Variants in PCNX1 observed in about 807,000 individuals in gnomAD.
PCNX1 encodes the protein pecanex 1.
Under a neutral mutation model 242.2 loss-of-function variants are expected in PCNX1, and 78 were observed. That is an observed-to-expected ratio of 0.32 (90% CI 0.27 to 0.39). PCNX1 has a LOEUF of 0.39. PCNX1 is among the 10% of genes least tolerant of loss of function. The pLI, the probability that PCNX1 is intolerant of heterozygous loss-of-function variation, is 1.00. For missense variants in PCNX1, 2,581 were observed against 2,856.5 expected (o/e 0.90, Z 2.20); for synonymous variants, 1,024 against 1,032.9 (o/e 0.99, Z 0.17).
chr14:71,056,722 AGGCTGGAGTGCAGT>A (rs1342719337), intron 25 of PCNX1, among the ~76,000 whole-genome samples: 6 of 151,412 alleles, frequency 4.0e-5, no homozygotes, highest in African/African-American at 1.5e-4. Context: ...TCTGTCACCC[AGGCTGGAGTGCAGT>A]GGCACAGTCA....
intron 24 of PCNX1, among the ~76,000 whole-genome samples, chr14:71,053,867 T>C (rs1356801447): frequency 6.6e-6 from 1 of 152,254 alleles, no homozygotes; most frequent in Non-Finnish European, 1.5e-5. Context: ...TGCAAATCTC[T>C]TAATGTCTGG....
chr14:70,916,717 T>G (rs2056166988), intron 1 of PCNX1, among the ~76,000 whole-genome samples: 1 of 152,192 alleles, frequency 6.6e-6, no homozygotes, highest in African/African-American at 2.4e-5. Context: ...TGCCTAAGTG[T>G]TGTTGACAGA....
chr14:71,065,868 G>A (rs990856458), intron 26 of PCNX1, among the ~76,000 whole-genome samples: 1 of 152,132 alleles, frequency 6.6e-6, no homozygotes, highest in Non-Finnish European at 1.5e-5. Flanking sequence ...TATTAAATAG[G>A]GAGTCCTTTC....
intron 1 of PCNX1, among the ~76,000 whole-genome samples, chr14:70,919,075 G>C (rs2056265735): frequency 6.6e-6 from 1 of 151,704 alleles, no homozygotes; most frequent in Non-Finnish European, 1.5e-5. Flanking sequence ...TTGAGGCGGG[G>C]GTCTTGGTAT....
At chr14:71,057,234 G>A (rs2061207263) in intron 25 of PCNX1, among the ~76,000 whole-genome samples, 1 of 152,038 alleles carries the variant, frequency 6.6e-6, no homozygotes, top group Admixed American at 6.6e-5. Flanking sequence ...CTGTTGAAGA[G>A]GTCAAAAAGT....
rs140634782 is a variant in PCNX1 at position 71,034,078 on chromosome 14, TAGAC to T, written c.3774+45_3774+48del. 9,072 of 1,062,376 alleles carry T rather than the reference TAGAC, an allele frequency of 8.5e-3. 395 individuals are homozygous for T. The East Asian group carries it at 0.11, about 13-fold the overall frequency. 65.8% of individuals were successfully genotyped at this position (1,062,376 alleles called of 1,614,324 possible). On this transcript the variant is annotated intron_variant, in intron 18 of 35. Coordinates refer to ENST00000304743, the MANE Select transcript of PCNX1 (RefSeq NM_014982.3). ...AGAATCACCTAAAAGACTTAAATCT[TAGAC>T]AGTTGATCATGTTATATGAGGAACA...
intron 7 of PCNX1, among the ~76,000 whole-genome samples, chr14:70,989,323 G>A (rs986688714): frequency 6.6e-6 from 1 of 151,440 alleles, no homozygotes; most frequent in African/African-American, 2.4e-5. Flanking sequence ...CTGTATTGTG[G>A]TAAACAAAAA....
intron 16 of PCNX1, among the ~76,000 whole-genome samples, chr14:71,030,884 ATT>A (rs1199249176): frequency 6.6e-6 from 1 of 152,070 alleles, no homozygotes; most frequent in Non-Finnish European, 1.5e-5. Flanking sequence ...TTATAAGGAT[ATT>A]TTGCCTTATA....
chr14:71,110,244 A>T lies in PCNX1; in HGVS notation c.*309A>T, dbSNP rs2062730135. The T allele has an allele frequency of 1.4e-5, 5 of 365,524 alleles. No homozygotes were observed. The highest frequency in any genetic ancestry group is 9.9e-5 in the South Asian group (4 of 40,462). 22.6% of individuals were successfully genotyped at this position (365,524 alleles called of 1,614,324 possible). Reference sequence around the variant, plus strand: ...TTTCCTATGCATTGCCTATGCTTTAAATCAACAAACTCTTCATTTCTAAAC... The same window carrying T: ...TTTCCTATGCATTGCCTATGCTTTATATCAACAAACTCTTCATTTCTAAAC... On this transcript the variant is annotated 3_prime_UTR_variant, in exon 36 of 36. Transcript: ENST00000304743.
At chr14:70,918,166 T>C (rs1336653342) in intron 1 of PCNX1, among the ~76,000 whole-genome samples, 2 of 152,222 alleles carry the variant, frequency 1.3e-5, no homozygotes, top group African/African-American at 4.8e-5. Context: ...AGCAATGTTA[T>C]TCATTTGTGT....
rs765919444 is a variant in PCNX1, at chr14:71,102,022, C to A, written c.5622C>A (p.Asp1874Glu). The A allele has an allele frequency of 6.2e-7, 1 of 1,610,374 alleles. No individual in the cohort carries two copies. The highest frequency in any genetic ancestry group is 8.5e-7 in the Non-Finnish European group (1 of 1,176,996). ...TTACTTCTCCAGATGAATATGATGA[C>A]CCTACTGTGCTCTATGAAGCCATAG... ...DHFTSPDEYD[D>E]PTVLYEAIVS... The change falls in exon 31 of 36, where the codon GAC becomes GAA. Residue 1874 changes from aspartate to glutamate, a missense_variant. By Grantham distance (45) the Asp-to-Glu change is conservative (BLOSUM62 2). Around this residue, in one of 9 missense-constraint regions of PCNX1, gnomAD observed 298 missense variants for 480.1 expected, o/e 0.62. Coordinates refer to ENST00000304743, the MANE Select transcript of PCNX1 (RefSeq NM_014982.3).
intron 1 of PCNX1, among the ~76,000 whole-genome samples, chr14:70,942,672 T>C (rs1208839818): frequency 2.6e-5 from 4 of 152,222 alleles, no homozygotes; most frequent in Non-Finnish European, 4.4e-5. Flanking sequence ...GCTTCCATGC[T>C]GTCTCTGGGC....
intron 1 of PCNX1, among the ~76,000 whole-genome samples, chr14:70,922,586 T>A (rs2056420416): frequency 6.6e-6 from 1 of 152,102 alleles, no homozygotes; most frequent in Admixed American, 6.5e-5. Flanking sequence ...TGGTAGTGTA[T>A]ATATACAAAC....
intron 33 of PCNX1, among the ~76,000 whole-genome samples, chr14:71,106,420 T>A (rs922130483): frequency 1.3e-5 from 2 of 152,218 alleles, no homozygotes; most frequent in African/African-American, 4.8e-5. Flanking sequence ...TGTAATAGTC[T>A]TTGTATATAA....
At chr14:70,976,872 T>C (rs1477277913) in intron 5 of PCNX1, 70 bp from the exon 6 acceptor site, 1 of 1,323,882 alleles carries the variant, frequency 7.6e-7, no homozygotes, top group African/African-American at 1.5e-5. Context: ...GTGAATTCTT[T>C]CCATTGTTAA....
At chr14:70,921,184 A>G (rs1302495106) in intron 1 of PCNX1, among the ~76,000 whole-genome samples, 1 of 152,152 alleles carries the variant, frequency 6.6e-6, no homozygotes, top group East Asian at 1.9e-4. Context: ...ACCTAAATAA[A>G]CCAATTTCAT....
In PCNX1 at chr14:71,036,179, T is replaced by C. The variant is rs1464357826; in HGVS notation, c.3867+22T>C. 5.5e-6 allele frequency: 8 copies of C among 1,461,502 alleles called. No individual in the cohort carries two copies. In the East Asian group the frequency reaches 1.8e-4, roughly 33 times the overall value. The allele number at this position is 1,461,502 out of a possible 1,614,324, so 90.5% of individuals were successfully genotyped here. ...GCAGGTAAGGAATCATTTTCTCCTTTTATTTGTTTGTTTGTTTGAGACAGG... is the reference window on the plus strand; with the variant it reads ...GCAGGTAAGGAATCATTTTCTCCTTCTATTTGTTTGTTTGTTTGAGACAGG... On this transcript the variant is annotated intron_variant, in intron 19 of 35. Coordinates refer to ENST00000304743, the MANE Select transcript of PCNX1 (RefSeq NM_014982.3).
At chr14:71,042,157 A>G (rs1440933340) in intron 19 of PCNX1, among the ~76,000 whole-genome samples, 1 of 152,120 alleles carries the variant, frequency 6.6e-6, no homozygotes, top group Non-Finnish European at 1.5e-5. Flanking sequence ...TTTTGCAGCT[A>G]TTGGATGACA....
intron 1 of PCNX1, among the ~76,000 whole-genome samples, chr14:70,931,472 A>AAGAAAAGTTAGTCC (rs141720031): frequency 0.097 from 14,790 of 152,158 alleles, 929 homozygotes; most frequent in Admixed American, 0.2. Flanking sequence ...AAAGAGTGTT[A>AAGAAAAGTTAGTCC]AGAAAAGTTA....
Sources: allele counts gnomAD v4.1 joint callset (sites outside exome capture counted in the v4.1 genomes callset), GRCh38; gene constraint gnomAD v4.1.1; regional missense constraint gnomAD v4.1.1; transcripts MANE v1.5; gene names NCBI Gene and HGNC (gene_info 2026-07-23, HGNC 2026-07-21).